Variants in ANKRD30B observed in about 807,000 individuals in gnomAD.
ANKRD30B encodes the protein ankyrin repeat domain 30B.
Under a neutral mutation model 202.2 loss-of-function variants are expected in ANKRD30B, and 144 were observed. The observed-to-expected ratio is 0.71, with a 90% confidence interval of 0.62 to 0.82. The LOEUF (loss-of-function observed/expected upper bound fraction) is 0.82, where lower values mean the gene tolerates loss of function less well. Ranked by LOEUF, ANKRD30B falls within the 40% of genes least tolerant of loss-of-function variation. The pLI, the probability that ANKRD30B is intolerant of heterozygous loss-of-function variation, is 0.00. For synonymous variants in ANKRD30B, 508 were observed against 561.3 expected (o/e 0.91, Z 1.34); for missense variants, 1,487 against 1,669.1 (o/e 0.89, Z 1.90).
At position 14,852,262 on chromosome 18, in the gene ANKRD30B, C is replaced by G; in HGVS notation, c.4318C>G (p.His1440Asp). ...RWLRQQLVYA[H>D]KKVNKSKVTI... ...GCTTCGACAGCAATTAGTTTATGCACATAAGAAAGTTAACAAAAGCAAGGT... is the reference window on the plus strand; with the variant it reads ...GCTTCGACAGCAATTAGTTTATGCAGATAAGAAAGTTAACAAAAGCAAGGT... Residue 1440 changes from histidine to aspartate, a missense_variant, in exon 42 of 44, where the codon CAT becomes GAT. Physicochemically the swap from His to Asp is moderately conservative, Grantham distance 81. Around this residue, in one of 6 missense-constraint regions of ANKRD30B, gnomAD observed 182 missense variants for 216.0 expected, o/e 0.84. Transcript: ENST00000690538. The G allele has an allele frequency of 6.4e-7, 1 of 1,550,910 alleles. No homozygotes were observed. Among genetic ancestry groups the G allele is most frequent in the Non-Finnish European group, 8.7e-7 (1 of 1,147,424 alleles).
chr18:14,900,352 C>CTGTGCTTTTTT, the ANKRD30B span, among the ~76,000 whole-genome samples: 2 of 152,088 alleles, frequency 1.3e-5, no homozygotes, highest in Non-Finnish European at 2.9e-5. Context: ...ACTTTTCCAT[C>CTGTGCTTTTTT]TACTATTTAT....
chr18:14,784,260 A>T, intron 12 of ANKRD30B, 76 bp from the exon 13 acceptor site: 4 of 1,429,090 alleles, frequency 2.8e-6, no homozygotes, highest in South Asian at 1.2e-5. Context: ...ACTCAGTTAG[A>T]TACTATCACT....
intron 15 of ANKRD30B, among the ~76,000 whole-genome samples, chr18:14,790,312 A>T (rs990167770): frequency 1.3e-5 from 2 of 152,138 alleles, no homozygotes; most frequent in Non-Finnish European, 2.9e-5. Context: ...GGTTTTCTAG[A>T]TATACAATCA....
intron 16 of ANKRD30B, 72 bp downstream of exon 16, chr18:14,791,563 C>G: frequency 8.2e-7 from 1 of 1,216,390 alleles, no homozygotes; most frequent in South Asian, 1.4e-5. Context: ...AGGATATCCT[C>G]TAATAGATGA....
downstream of ANKRD30B, among the ~76,000 whole-genome samples, chr18:14,855,858 G>A (rs1215611319): frequency 1.1e-3 from 159 of 148,066 alleles, no homozygotes; most frequent in African/African-American, 3.6e-3. Context: ...CCCAGACGTC[G>A]CGGCCAGGCA....
At chr18:14,793,289 C>T (rs926365856) in intron 16 of ANKRD30B, among the ~76,000 whole-genome samples, 11 of 152,192 alleles carry the variant, frequency 7.2e-5, no homozygotes, top group African/African-American at 2.6e-4. Flanking sequence ...CTCATCCGAA[C>T]TGTGTACTTT....
At chr18:14,895,430 G>A in the ANKRD30B span, among the ~76,000 whole-genome samples, 5 of 152,336 alleles carry the variant, frequency 3.3e-5, no homozygotes, top group Middle Eastern at 3.4e-3. Context: ...CATTACTAGT[G>A]GGAATGCAAA....
chr18:14,779,997 TGAA>T lies in ANKRD30B; in HGVS notation c.1462_1464del (p.Glu488del). On this transcript the variant is annotated inframe_deletion, in exon 11 of 44. Transcript: ENST00000690538. ...CATCAGAATCCAAACGAGAGGAAGA[TGAA>T]GAATATTCTTGGGATTCTGGGGTAT... is the stretch of plus-strand genomic sequence containing the variant. The T allele has an allele frequency of 1.9e-6, 3 of 1,605,888 alleles. No homozygotes were observed. Among genetic ancestry groups the T allele is most frequent in the Non-Finnish European group, 1.7e-6 (2 of 1,174,300 alleles).
chr18:14,847,390 T>C (rs1157564060), intron 39 of ANKRD30B, among the ~76,000 whole-genome samples: 34 of 150,420 alleles, frequency 2.3e-4, no homozygotes, highest in Non-Finnish European at 4.4e-4. Flanking sequence ...AGAATATATT[T>C]AGCCAATTTT....
Position 14,755,003 on chromosome 18 carries a change from A to G in ANKRD30B, c.615A>G (p.Lys205=). The G allele has an allele frequency of 6.7e-7, 1 of 1,486,440 alleles. No homozygotes were observed. Among genetic ancestry groups the G allele is most frequent in the Non-Finnish European group, 9.0e-7 (1 of 1,115,144 alleles). 92.1% of individuals were successfully genotyped at this position (1,486,440 alleles called of 1,614,324 possible). A position where few individuals can be genotyped will look rare whatever the true frequency, so the allele number is the denominator to read the frequency against. The stretch of plus-strand genomic sequence containing the variant: ...ATGCAAACGCATTTAATGAGTCTAA[A>G]TGGTATGGTAGTTCTTTTTTTTTAC... ...NANANAFNES[K]CTALMLAICE... The change falls in exon 4 of 44, where the codon AAA becomes AAG. Residue 205 remains lysine, a splice_region_variant and synonymous_variant. Transcript: ENST00000690538.
chr18:14,836,055 TC>T, intron 34 of ANKRD30B, among the ~76,000 whole-genome samples: 1 of 152,202 alleles, frequency 6.6e-6, no homozygotes, highest in Non-Finnish European at 1.5e-5. Flanking sequence ...TCCTTTGATT[TC>T]ATTTTCAAAA....
intron 30 of ANKRD30B, among the ~76,000 whole-genome samples, chr18:14,821,199 C>G (rs374186361): frequency 6.6e-6 from 1 of 151,968 alleles, no homozygotes; most frequent in Non-Finnish European, 1.5e-5. Flanking sequence ...TCTGTGGGAT[C>G]GGTGGTGATA....
chr18:14,809,691 C>T lies in ANKRD30B; in HGVS notation c.2387-295C>T, dbSNP rs559267940. Among the ~76,000 whole-genome samples, 508 of 151,080 alleles carry T rather than the reference C, an allele frequency of 3.4e-3. 18 individuals carry two copies. The highest frequency in any genetic ancestry group is 5.9e-3 in the Non-Finnish European group (403 of 67,792). On this transcript the variant is annotated intron_variant, in intron 26 of 43. Transcript: ENST00000690538. ...TCTCTGCAGGGGGAAACACATCACG[C>T]GCTGTTGGCTCATTCTGGCAGTCCA...
At chr18:14,932,167 C>G in the ANKRD30B span, among the ~76,000 whole-genome samples, 4 of 151,320 alleles carry the variant, frequency 2.6e-5, no homozygotes, top group East Asian at 6.0e-4. Flanking sequence ...GTCGGCCCAG[C>G]CTCCCAGCCC....
the ANKRD30B span, among the ~76,000 whole-genome samples, chr18:14,886,607 T>A: frequency 6.6e-6 from 1 of 152,096 alleles, no homozygotes; most frequent in South Asian, 2.1e-4. Flanking sequence ...GTATATACAC[T>A]ATTTCTATTT....
chr18:14,810,320 T>A lies in ANKRD30B; in HGVS notation c.2488+140T>A, dbSNP rs182187797. ...GATACAAATAATGCAAATGTTAGTA[T>A]TTATGTTTGAGAAAATGCCATTTAG... On this transcript the variant is annotated intron_variant, in intron 28 of 43. Transcript: ENST00000690538. 2,187 of 579,958 alleles carry A rather than the reference T, an allele frequency of 3.8e-3. 35 individuals carry two copies. The highest frequency in any genetic ancestry group is 8.3e-3 in the Middle Eastern group (15 of 1,814). 35.9% of individuals were successfully genotyped at this position (579,958 alleles called of 1,614,324 possible).
At chr18:14,922,790 G>A in the ANKRD30B span, among the ~76,000 whole-genome samples, 1 of 152,200 alleles carries the variant, frequency 6.6e-6, no homozygotes, top group African/African-American at 2.4e-5. Flanking sequence ...ACCAGCCCAG[G>A]TGGTAAGGGA....
At chr18:14,803,623 T>G (rs1386425226) in intron 23 of ANKRD30B, 111 bp from the exon 24 acceptor site, 1 of 1,362,532 alleles carries the variant, frequency 7.3e-7, no homozygotes, top group East Asian at 2.7e-5. Context: ...GTCGAATTCC[T>G]TGTAAAGTAG....
rs140100682 is a variant in ANKRD30B, at chr18:14,754,369, G to A, written c.511-530G>A. 1.8e-3 allele frequency among the ~76,000 whole-genome samples: 272 copies of A among 152,194 alleles called. 3 individuals carry two copies. Among genetic ancestry groups the A allele is most frequent in the African/African-American group, 6.3e-3 (261 of 41,536 alleles). The stretch of plus-strand genomic sequence containing the variant: ...AAATATATTGTCAAGTAAGTATTAG[G>A]CAAAGTTCAAGTCATTTATTGAATA... On this transcript the variant is annotated intron_variant, in intron 3 of 43. Transcript: ENST00000690538.
Sources: gnomAD v4.1 joint callset for allele counts (sites outside exome capture counted in the v4.1 genomes callset) on GRCh38, gnomAD v4.1.1 for gene constraint, gnomAD v4.1.1 regional missense constraint, MANE v1.5 for transcripts, NCBI Gene and HGNC (gene_info 2026-07-23, HGNC 2026-07-21) for gene names.